The following SORL1 variants were observed in gnomAD, a reference collection of about 807,000 sequenced individuals.
SORL1 encodes the protein sortilin-related receptor.
In SORL1, 127 loss-of-function variants were observed where a neutral mutation model predicts 273.7. The ratio of observed to expected loss-of-function variants is 0.46; its 90% CI spans 0.40 to 0.54. The LOEUF (loss-of-function observed/expected upper bound fraction) is 0.54, where lower values mean the gene tolerates loss of function less well. SORL1 is among the 20% of genes least tolerant of loss of function. SORL1 has a pLI of 0.00. For missense variants in SORL1, 2,494 were observed against 2,846.1 expected, an observed-to-expected ratio of 0.88 and a Z score of 2.81; for synonymous variants, 1,031 against 1,067.4, an observed-to-expected ratio of 0.97 and a Z score of 0.66.
At chr11:121,623,030 C>G (rs530357823) in intron 45 of SORL1, among the ~76,000 whole-genome samples, 1 of 152,234 alleles carries the variant, frequency 6.6e-6, no homozygotes, top group African/African-American at 2.4e-5. Context: ...TTGGAAAATT[C>G]TCACCACACA....
intron 5 of SORL1, among the ~76,000 whole-genome samples, chr11:121,492,864 C>A (rs752975299): frequency 6.8e-6 from 1 of 148,012 alleles, no homozygotes; most frequent in African/African-American, 2.5e-5. Context: ...AGTGCAGTGG[C>A]GTGATCTTGG....
intron 6 of SORL1, among the ~76,000 whole-genome samples, chr11:121,505,974 A>G (rs748899543): frequency 2.0e-5 from 3 of 152,180 alleles, no homozygotes; most frequent in African/African-American, 2.4e-5. Flanking sequence ...TACTTGGCTG[A>G]TGGTGATGTT....
At chr11:121,473,886 C>A (rs574253968) in intron 2 of SORL1, among the ~76,000 whole-genome samples, 17 of 151,610 alleles carry the variant, frequency 1.1e-4, no homozygotes, top group Non-Finnish European at 2.2e-4. Flanking sequence ...CAGAGTGAGA[C>A]CCTGTCTCAA....
chr11:121,495,494 A>G (rs1861616171), intron 5 of SORL1, among the ~76,000 whole-genome samples: 1 of 152,140 alleles, frequency 6.6e-6, no homozygotes, highest in African/African-American at 2.4e-5. Flanking sequence ...TGACACGATT[A>G]CCTTCATTAT....
At chr11:121,518,176 C>G (rs968448125) in intron 8 of SORL1, among the ~76,000 whole-genome samples, 1 of 152,170 alleles carries the variant, frequency 6.6e-6, no homozygotes, top group African/African-American at 2.4e-5. Flanking sequence ...GGGGTATTGC[C>G]AGGGCATGGA....
intron 2 of SORL1, among the ~76,000 whole-genome samples, chr11:121,476,782 C>CCCTT (rs1332538970): frequency 1.5e-5 from 2 of 137,826 alleles, no homozygotes; most frequent in African/African-American, 5.4e-5. Context: ...CTCCCTCCCT[C>CCCTT]CCTTCCTTCC....
chr11:121,618,061 C>A (rs771721098), intron 41 of SORL1, among the ~76,000 whole-genome samples: 3 of 152,130 alleles, frequency 2.0e-5, no homozygotes, highest in Non-Finnish European at 4.4e-5. Context: ...GTATTCCAGG[C>A]GACCAGAGGG....
intron 31 of SORL1, among the ~76,000 whole-genome samples, chr11:121,591,821 G>A (rs971164850): frequency 1.3e-5 from 2 of 152,158 alleles, no homozygotes; most frequent in Admixed American, 1.3e-4. Flanking sequence ...CTTCTTCTGT[G>A]AGCATGTTCT....
In SORL1 at chr11:121,629,723, T is replaced by G. The variant is rs1863848433; in HGVS notation, c.*160T>G. The G allele has an allele frequency of 3.4e-6, 2 of 595,944 alleles. No individual in the cohort carries two copies. The highest frequency in any genetic ancestry group is 5.9e-6 in the Non-Finnish European group (2 of 338,012). 36.9% of individuals were successfully genotyped at this position (595,944 alleles called of 1,614,324 possible). ...AAAAAAAAGGAAAGAAAGGAATGAA[T>G]AAACTTTGTAGTAATCAACTGTGAA... On this transcript the variant is annotated 3_prime_UTR_variant, in exon 48 of 48. Coordinates refer to ENST00000260197, the MANE Select transcript of SORL1 (RefSeq NM_003105.6).
chr11:121,608,250 G>A (rs147169461), intron 38 of SORL1, 74 bp downstream of exon 38: 150 of 1,180,406 alleles, frequency 1.3e-4, no homozygotes, highest in Admixed American at 4.0e-5. Context: ...CAGTATGACC[G>A]GAAAATGGAG....
intron 6 of SORL1, among the ~76,000 whole-genome samples, chr11:121,511,856 A>C (rs1861882937): frequency 6.6e-6 from 1 of 152,236 alleles, no homozygotes; most frequent in African/African-American, 2.4e-5. Flanking sequence ...CTTACTCTAT[A>C]GGAAGTTAAT....
At position 121,452,423 on chromosome 11, in the gene SORL1, G is replaced by A; in HGVS notation, c.92G>A (p.Trp31Ter). The change falls in exon 1 of 48, where the codon TGG becomes TAG. Residue 31 changes from tryptophan (W) to a stop codon, truncating the protein, a stop_gained. Transcript: ENST00000260197. LOFTEE classifies it high-confidence loss of function. This position sits in a 1 kb window ranked among gnomAD's most constrained non-coding sequence, Gnocchi z 5.3. ...LLPPGALCEV[W>*]TQRLHGGSAP... is the part of the protein sequence containing the mutation. The stretch of plus-strand genomic sequence containing the variant: ...CCGCCCGGAGCTCTCTGCGAAGTCT[G>A]GACGCAGAGGCTGCACGGCGGCAGC... 1 of 1,516,542 alleles carries A rather than the reference G, an allele frequency of 6.6e-7. No individual in the cohort carries two copies. Among genetic ancestry groups the A allele is most frequent in the East Asian group, 2.8e-5 (1 of 36,360 alleles). 93.9% of individuals were successfully genotyped at this position (1,516,542 alleles called of 1,614,324 possible).
At chr11:121,506,873 C>A (rs1861794661) in intron 6 of SORL1, among the ~76,000 whole-genome samples, 1 of 151,940 alleles carries the variant, frequency 6.6e-6, no homozygotes, top group Non-Finnish European at 1.5e-5. Context: ...TTTTTTGGAT[C>A]CTTTATTACT....
chr11:121,453,658 G>A (rs1860851490), intron 1 of SORL1, among the ~76,000 whole-genome samples: 1 of 152,196 alleles, frequency 6.6e-6, no homozygotes, highest in Non-Finnish European at 1.5e-5. Context: ...TTTCACTTTA[G>A]CCATTTCTTC....
chr11:121,595,800 CT>C lies in SORL1; in HGVS notation c.4519+29del, dbSNP rs1370723490. On this transcript the variant is annotated intron_variant, in intron 32 of 47. Coordinates refer to ENST00000260197, the MANE Select transcript of SORL1 (RefSeq NM_003105.6). The surrounding 1 kb of genome is among the most constrained non-coding windows in gnomAD (Gnocchi z 5.1). ...GAGTAGTCAGAGAGCCCTTCACCCC[CT>C]GGGCACGTTTCTGCAGAGAGCACAG... The C allele has an allele frequency of 6.8e-6, 11 of 1,606,244 alleles. No individual in the cohort carries two copies. Among genetic ancestry groups the C allele is most frequent in the South Asian group, 1.1e-5 (1 of 90,982 alleles).
rs1011398873 is a variant in SORL1, at chr11:121,570,168, C to G, written c.3235C>G (p.Leu1079Val). ...NTCVKQENTC[L>V]RNQYRCSNGN... ...ACTCTGATGGGTAGAGAACACCTGT[C>G]TTCGCAACCAGTATCGCTGCAGCAA... The change falls in exon 23 of 48, where the codon CTT becomes GTT. Residue 1079 changes from leucine (L) to valine (V), a missense_variant. Physicochemically the swap from Leu to Val is conservative, Grantham distance 32. Coordinates refer to ENST00000260197, the MANE Select transcript of SORL1 (RefSeq NM_003105.6). 6.2e-7 allele frequency: 1 copy of G among 1,613,560 alleles called. No individual in the cohort carries two copies.
At chr11:121,572,193 T>C (rs1862853891) in intron 23 of SORL1, among the ~76,000 whole-genome samples, 1 of 152,198 alleles carries the variant, frequency 6.6e-6, no homozygotes. Context: ...TGGTTTCTAC[T>C]AAATGGACAA....
rs1015421613 is a variant in SORL1 at position 121,554,892 on chromosome 11, C to T, written c.2440-295C>T. 1 of 179,772 alleles carries T rather than the reference C, an allele frequency of 5.6e-6. No homozygotes were observed. The highest frequency in any genetic ancestry group is 1.2e-5 in the Non-Finnish European group (1 of 85,500). The allele number at this position is 179,772 out of a possible 1,614,324, so 11.1% of individuals were successfully genotyped here. ...CAGACTCATACAATCTCAGTAATCTCTGACTTTATTATTGCCATACAGCAT... is the reference window on the plus strand; with the variant it reads ...CAGACTCATACAATCTCAGTAATCTTTGACTTTATTATTGCCATACAGCAT... On this transcript the variant is annotated intron_variant, in intron 17 of 47. Coordinates refer to ENST00000260197, the MANE Select transcript of SORL1 (RefSeq NM_003105.6). This position sits in a 1 kb window ranked among gnomAD's most constrained non-coding sequence, Gnocchi z 4.6.
intron 1 of SORL1, among the ~76,000 whole-genome samples, chr11:121,468,119 G>A (rs1001358855): frequency 6.6e-6 from 1 of 152,144 alleles, no homozygotes; most frequent in Non-Finnish European, 1.5e-5. Flanking sequence ...GAGTGTGCTG[G>A]GGGGAGGAAG....
Sources: gnomAD v4.1 joint callset for allele counts (sites outside exome capture counted in the v4.1 genomes callset) on GRCh38, gnomAD v4.1.1 for gene constraint, Gnocchi (gnomAD v3.1) non-coding constraint, MANE v1.5 for transcripts, NCBI Gene and HGNC (gene_info 2026-07-23, HGNC 2026-07-21) for gene names.